KCNN3: variants seen among roughly 807,000 people sequenced by gnomAD.
KCNN3 encodes the protein potassium calcium-activated channel subfamily N member 3.
In KCNN3, 16 loss-of-function variants were observed where a neutral mutation model predicts 62.9. The observed-to-expected ratio is 0.25, with a 90% CI of 0.17 to 0.39. The LOEUF is 0.39. KCNN3 is among the 10% of genes least tolerant of loss of function. The pLI is 1.00. For synonymous variants in KCNN3, 370 were observed against 389.2 expected (o/e 0.95, Z 0.58); for missense variants, 599 against 949.4 (o/e 0.63, Z 4.85).
intron 5 of KCNN3, among the ~76,000 whole-genome samples, chr1:154,723,200 T>C (rs1425140094): frequency 6.6e-6 from 1 of 152,198 alleles, no homozygotes; most frequent in Non-Finnish European, 1.5e-5. Context: ...TCCAGTTTCA[T>C]TTCAATTAAG....
intron 1 of KCNN3, among the ~76,000 whole-genome samples, chr1:154,829,367 C>A (rs759872019): frequency 2.6e-5 from 4 of 152,342 alleles, no homozygotes; most frequent in South Asian, 2.1e-4. Flanking sequence ...GCTCCAGGAA[C>A]CTTTCCTGCC....
rs544398559 is a variant in KCNN3, at chr1:154,870,258, A to C, written c.-294T>G. 2.0e-5 allele frequency: 12 copies of C among 586,962 alleles called. No homozygotes were observed. The highest frequency in any genetic ancestry group is 3.5e-5 in the Non-Finnish European group (11 of 313,886). The allele number at this position is 586,962 out of a possible 1,614,324, so 36.4% of individuals were successfully genotyped here. A position where few individuals can be genotyped will look rare whatever the true frequency, so the allele number is the denominator to read the frequency against. On this transcript the variant is annotated 5_prime_UTR_variant, in exon 1 of 8. Transcript: ENST00000271915. ...TCTAGGAGCGTGTGAGGCCAGGCTC[A>C]GCTTCACTCCTCGCTGGCTCAATAG...
chr1:154,838,840 C>T (rs1218576), intron 1 of KCNN3, among the ~76,000 whole-genome samples: 130,535 of 152,134 alleles, frequency 0.86, 56,593 homozygotes, highest in East Asian at 0.97. Flanking sequence ...GCACCTTGCA[C>T]AGTGCCTGGA....
chr1:154,855,491 T>C (rs1199508695), intron 1 of KCNN3, among the ~76,000 whole-genome samples: 1 of 152,230 alleles, frequency 6.6e-6, no homozygotes, highest in African/African-American at 2.4e-5. Context: ...GTATTTCTAC[T>C]GTACCTTTTC....
chr1:154,763,495 G>A (rs1648116278), intron 3 of KCNN3, among the ~76,000 whole-genome samples: 1 of 152,108 alleles, frequency 6.6e-6, no homozygotes. Flanking sequence ...TCCCACCTCA[G>A]CCTCCCAAGT....
chr1:154,765,430 C>A (rs567105275), intron 3 of KCNN3, among the ~76,000 whole-genome samples: 177 of 152,250 alleles, frequency 1.2e-3, no homozygotes, highest in Admixed American at 4.3e-3. Flanking sequence ...AAGTTTGTCT[C>A]CACATTCCAC....
At chr1:154,711,106 A>G (rs1700064348) in intron 7 of KCNN3, among the ~76,000 whole-genome samples, 1 of 152,120 alleles carries the variant, frequency 6.6e-6, no homozygotes, top group Non-Finnish European at 1.5e-5. Flanking sequence ...ATGTCTGACA[A>G]TGATAGACTG....
intron 2 of KCNN3, among the ~76,000 whole-genome samples, chr1:154,801,297 T>C (rs1162994539): frequency 1.3e-5 from 2 of 152,144 alleles, no homozygotes; most frequent in African/African-American, 4.8e-5. Context: ...GCAATGACAG[T>C]TAAGGTCCCA....
chr1:154,852,962 C>T (rs1652364468), intron 1 of KCNN3, among the ~76,000 whole-genome samples: 1 of 152,086 alleles, frequency 6.6e-6, no homozygotes, highest in Non-Finnish European at 1.5e-5. Flanking sequence ...TTGGTAAGGC[C>T]TTCCCTGAGC....
chr1:154,794,540 T>C (rs1649645512), intron 2 of KCNN3, among the ~76,000 whole-genome samples: 1 of 152,246 alleles, frequency 6.6e-6, no homozygotes, highest in South Asian at 2.1e-4. Flanking sequence ...ACTTGCATTA[T>C]AGAGGGTAGA....
intron 3 of KCNN3, among the ~76,000 whole-genome samples, chr1:154,766,416 T>TTATATATATATCTATATATATA (rs1648278932): frequency 1.4e-5 from 1 of 71,812 alleles, no homozygotes; most frequent in Non-Finnish European, 2.8e-5. Context: ...TAGCCAGGCT[T>TTATATATATATCTATATATATA]TATATATATA....
At chr1:154,799,946 C>T (rs1477906624) in intron 2 of KCNN3, among the ~76,000 whole-genome samples, 3 of 152,218 alleles carry the variant, frequency 2.0e-5, no homozygotes, top group Non-Finnish European at 4.4e-5. Context: ...TGGTCCTGGG[C>T]AGGTCCCTTG....
chr1:154,760,535 C>T (rs1212902126), intron 3 of KCNN3, among the ~76,000 whole-genome samples: 12 of 152,128 alleles, frequency 7.9e-5, no homozygotes, highest in Non-Finnish European at 2.9e-5. Flanking sequence ...AACCTGAACG[C>T]TCTGCTCCTC....
intron 2 of KCNN3, among the ~76,000 whole-genome samples, chr1:154,818,944 G>C (rs984813297): frequency 1.2e-4 from 18 of 152,200 alleles, no homozygotes; most frequent in Non-Finnish European, 1.3e-4. Context: ...GGGAAGACGG[G>C]GACATGATCA....
intron 7 of KCNN3, among the ~76,000 whole-genome samples, chr1:154,710,701 T>C (rs1288886245): frequency 6.6e-6 from 1 of 152,180 alleles, no homozygotes; most frequent in Non-Finnish European, 1.5e-5. Flanking sequence ...CAGACACTTC[T>C]CAAAAGAAGA....
rs1156314048 is a variant in KCNN3, at chr1:154,703,378, G to GTT, written c.*4596_*4597dup. 1 of 152,194 alleles carries GTT rather than the reference G, an allele frequency of 6.6e-6. No homozygotes were observed. Among genetic ancestry groups the GTT allele is most frequent in the Non-Finnish European group, 1.5e-5 (1 of 68,056 alleles). 9.4% of individuals were successfully genotyped at this position (152,194 alleles called of 1,614,324 possible). On this transcript the variant is annotated 3_prime_UTR_variant, in exon 8 of 8. Coordinates refer to ENST00000271915, the MANE Select transcript of KCNN3 (RefSeq NM_002249.6). The stretch of plus-strand genomic sequence containing the variant: ...CGACTGCAAGGGGAGAGAAGGGGTT[G>GTT]TTCGTGCCTACTGGGAAGTCACCAG...
intron 5 of KCNN3, among the ~76,000 whole-genome samples, chr1:154,721,714 T>C (rs370162651): frequency 6.6e-6 from 1 of 151,988 alleles, no homozygotes; most frequent in African/African-American, 2.4e-5. Context: ...GTACAGAGTG[T>C]GGCACCCAGG....
intron 5 of KCNN3, 99 bp downstream of exon 5, chr1:154,725,817 A>G (rs1700450571): frequency 1.2e-6 from 1 of 841,562 alleles, no homozygotes; most frequent in South Asian, 1.4e-5. Context: ...TGTTGGGATT[A>G]CAGGCGTGAG....
At chr1:154,828,619 C>T (rs1651245262) in intron 1 of KCNN3, among the ~76,000 whole-genome samples, 1 of 152,180 alleles carries the variant, frequency 6.6e-6, no homozygotes, top group Admixed American at 6.5e-5. Context: ...CTCTCTGGGC[C>T]TCTGGTTTCT....
Sources: allele counts gnomAD v4.1 joint callset (sites outside exome capture counted in the v4.1 genomes callset), GRCh38; gene constraint gnomAD v4.1.1; transcripts MANE v1.5; gene names NCBI Gene and HGNC (gene_info 2026-07-23, HGNC 2026-07-21).